The following GMCL1 variants were observed in gnomAD, a reference collection of about 807,000 sequenced individuals.
GMCL1 encodes the protein germ cell-less protein-like 1.
Under a neutral mutation model 75.5 loss-of-function variants are expected in GMCL1, and 54 were observed. The observed-to-expected ratio is 0.71, with a 90% CI of 0.57 to 0.90. The LOEUF (loss-of-function observed/expected upper bound fraction) is 0.90. Among genes scored for constraint, GMCL1 ranks in the 40% least tolerant of loss-of-function variants. GMCL1 has a pLI of 0.00. For synonymous variants in GMCL1, 210 were observed against 209.6 expected (o/e 1.00, Z -0.02); for missense variants, 537 against 622.7 (o/e 0.86, Z 1.47).
At chr2:69,830,178 G>T in intron 1 of GMCL1, 26 bp downstream of exon 1, 1 of 1,544,458 alleles carries the variant, frequency 6.5e-7, no homozygotes, top group Non-Finnish European at 8.7e-7. Flanking sequence ...CACCCGCGCG[G>T]ACCCGGACCC....
At chr2:69,859,572 T>TA (rs1427194379) in intron 9 of GMCL1, among the ~76,000 whole-genome samples, 1 of 151,254 alleles carries the variant, frequency 6.6e-6, no homozygotes, top group Non-Finnish European at 1.5e-5. Context: ...CCCTTCTCCA[T>TA]AAAAAATGGA....
chr2:69,869,685 A>G lies in GMCL1; in HGVS notation c.1219-34A>G, dbSNP rs181278849. ...TTATTTTCTACTTGCTAATATGATA[A>G]ACTGAAATAAGTCTTCTCTCTTGTA... On this transcript the variant is annotated intron_variant, in intron 11 of 13. Coordinates refer to ENST00000282570, the MANE Select transcript of GMCL1 (RefSeq NM_178439.5). 604 of 1,598,316 alleles carry G rather than the reference A, an allele frequency of 3.8e-4. 1 individual carries two copies. The African/African-American group carries it at 6.0e-3, about 16-fold the overall frequency.
At chr2:69,856,225 T>C (rs1461534799) in intron 9 of GMCL1, among the ~76,000 whole-genome samples, 2 of 152,194 alleles carry the variant, frequency 1.3e-5, no homozygotes, top group Non-Finnish European at 2.9e-5. Context: ...GATTTGAAAT[T>C]AGTTGAAATT....
At chr2:69,866,403 C>G (rs1456665002) in intron 11 of GMCL1, among the ~76,000 whole-genome samples, 1 of 151,912 alleles carries the variant, frequency 6.6e-6, no homozygotes, top group Admixed American at 6.6e-5. Context: ...TTGGTTATTT[C>G]TCTCCCAAAC....
At chr2:69,857,612 G>A (rs1675514280) in intron 9 of GMCL1, among the ~76,000 whole-genome samples, 1 of 152,060 alleles carries the variant, frequency 6.6e-6, no homozygotes, top group Non-Finnish European at 1.5e-5. Flanking sequence ...AGATTTTGAC[G>A]TTATTATACA....
In GMCL1 at chr2:69,880,372, A is replaced by AT. The variant is rs1676246755; in HGVS notation, c.*1375dup. ...TTTTAACTTTTGGAATTTATTAATA[A>AT]TTTTTTTCTTTTTTAATGATATGCC... On this transcript the variant is annotated 3_prime_UTR_variant, in exon 14 of 14. Transcript: ENST00000282570. 6.6e-6 allele frequency: 1 copy of AT among 151,946 alleles called. No individual in the cohort carries two copies. Among genetic ancestry groups the AT allele is most frequent in the African/African-American group, 2.4e-5 (1 of 41,368 alleles). The allele number at this position is 151,946 out of a possible 1,614,324, so 9.4% of individuals were successfully genotyped here. A position where few individuals can be genotyped will look rare whatever the true frequency, so the allele number is the denominator to read the frequency against.
At chr2:69,830,208 C>T in intron 1 of GMCL1, 56 bp downstream of exon 1, 1 of 1,513,218 alleles carries the variant, frequency 6.6e-7, no homozygotes, top group Admixed American at 2.1e-5. Flanking sequence ...GGGCCTGGGG[C>T]CGAGCCGGCG....
At chr2:69,839,646 G>T in intron 3 of GMCL1, 93 bp downstream of exon 3, 2 of 828,990 alleles carry the variant, frequency 2.4e-6, no homozygotes, top group African/African-American at 1.7e-5. Context: ...CAGCCTTGTA[G>T]TCTAGAAAAC....
chr2:69,873,104 G>A (rs949599831), intron 13 of GMCL1, among the ~76,000 whole-genome samples: 6 of 152,174 alleles, frequency 3.9e-5, no homozygotes, highest in African/African-American at 9.7e-5. Context: ...GTTGGGGGTG[G>A]TTATTGGAGG....
chr2:69,864,805 C>A, intron 10 of GMCL1, 95 bp from the exon 11 acceptor site: 1 of 761,430 alleles, frequency 1.3e-6, no homozygotes. Flanking sequence ...ATTTTTAAAT[C>A]TGGTAGCAAG....
Position 69,837,533 on chromosome 2 carries a change from A to T in GMCL1, c.261-14A>T. ...TTTTATATAAATATGTGACTTTTTCATTTCTTTTAACAGGAAAAAATTAAA... is the reference window on the plus strand; with the variant it reads ...TTTTATATAAATATGTGACTTTTTCTTTTCTTTTAACAGGAAAAAATTAAA... On this transcript the variant is annotated splice_polypyrimidine_tract_variant and intron_variant, in intron 1 of 13. Coordinates refer to ENST00000282570, the MANE Select transcript of GMCL1 (RefSeq NM_178439.5). 1 of 1,495,866 alleles carries T rather than the reference A, an allele frequency of 6.7e-7. No individual in the cohort carries two copies. The highest frequency in any genetic ancestry group is 9.0e-7 in the Non-Finnish European group (1 of 1,109,642). 92.7% of individuals were successfully genotyped at this position (1,495,866 alleles called of 1,614,324 possible).
At chr2:69,851,273 C>T (rs1675311732) in intron 8 of GMCL1, among the ~76,000 whole-genome samples, 1 of 151,770 alleles carries the variant, frequency 6.6e-6, no homozygotes, top group South Asian at 2.1e-4. Context: ...CCTGTCCCTA[C>T]AAAAAGTTTA....
At position 69,854,820 on chromosome 2, in the gene GMCL1, T is replaced by C; in HGVS notation, c.935-3T>C. 1.9e-6 allele frequency: 3 copies of C among 1,601,350 alleles called. No homozygotes were observed. Among genetic ancestry groups the C allele is most frequent in the Admixed American group, 1.8e-5 (1 of 57,054 alleles). The stretch of plus-strand genomic sequence containing the variant: ...GCTGTTTAACTTACATGGTTTTTTA[T>C]AGATTTTGAAGGTATGGCCTTTCTT... On this transcript the variant is annotated splice_polypyrimidine_tract_variant and splice_region_variant and intron_variant, in intron 8 of 13. Transcript: ENST00000282570.
intron 11 of GMCL1, among the ~76,000 whole-genome samples, chr2:69,866,748 A>G (rs145922603): frequency 1.8e-3 from 279 of 152,256 alleles, no homozygotes; most frequent in African/African-American, 6.2e-3. Flanking sequence ...TATAGGCATG[A>G]GCCACCACAC....
intron 8 of GMCL1, among the ~76,000 whole-genome samples, chr2:69,851,931 T>G (rs190448211): frequency 5.3e-5 from 8 of 152,322 alleles, no homozygotes; most frequent in Admixed American, 3.9e-4. Context: ...AGTAAAAATG[T>G]GTAAAGAACC....
intron 11 of GMCL1, chr2:69,869,417 C>CAAAAAAAAA: frequency 1.6e-5 from 1 of 63,784 alleles, no homozygotes; most frequent in Non-Finnish European, 2.9e-5. Flanking sequence ...GACTCTGTCT[C>CAAAAAAAAA]AAAAAAAAAA....
chr2:69,843,967 A>C (rs1675059543), intron 5 of GMCL1, among the ~76,000 whole-genome samples, 164 bp from the exon 6 acceptor site: 1 of 133,118 alleles, frequency 7.5e-6, no homozygotes, highest in African/African-American at 3.4e-5. Flanking sequence ...ATATTCTCTT[A>C]ATAATATCCA....
intron 10 of GMCL1, 52 bp from the exon 11 acceptor site, chr2:69,864,848 A>C: frequency 8.4e-7 from 1 of 1,188,420 alleles, no homozygotes; most frequent in Non-Finnish European, 1.2e-6. Flanking sequence ...TTCTTTTTTA[A>C]TTATTAGTTG....
chr2:69,870,039 A>G (rs1054404781), intron 12 of GMCL1, among the ~76,000 whole-genome samples, 175 bp downstream of exon 12: 4 of 149,056 alleles, frequency 2.7e-5, no homozygotes, highest in Non-Finnish European at 5.9e-5. Flanking sequence ...AATCAGAATC[A>G]TAGGATCTAG....
Sources: gnomAD v4.1 joint callset for allele counts (sites outside exome capture counted in the v4.1 genomes callset) on GRCh38, gnomAD v4.1.1 for gene constraint, MANE v1.5 for transcripts, NCBI Gene and HGNC (gene_info 2026-07-23, HGNC 2026-07-21) for gene names.